Variants in PTPRN2 observed in about 807,000 individuals in gnomAD.
PTPRN2 encodes protein tyrosine phosphatase receptor type N2.
Under a neutral mutation model 118.8 loss-of-function variants are expected in PTPRN2, and 74 were observed. The observed-to-expected ratio is 0.62, with a 90% CI of 0.52 to 0.76. The LOEUF (loss-of-function observed/expected upper bound fraction) is 0.76. Among genes scored for constraint, PTPRN2 ranks in the 30% least tolerant of loss-of-function variants. The pLI, the probability that PTPRN2 is intolerant of heterozygous loss-of-function variation, is 0.00. For missense variants in PTPRN2, 1,481 were observed against 1,394.4 expected, an observed-to-expected ratio of 1.06 and a Z score of -0.99; for synonymous variants, 641 against 608.0, an observed-to-expected ratio of 1.05 and a Z score of -0.80.
intron 12 of PTPRN2, among the ~76,000 whole-genome samples, chr7:157,759,467 C>T (rs1450640465): frequency 2.0e-5 from 3 of 152,220 alleles, no homozygotes; most frequent in African/African-American, 4.8e-5. Flanking sequence ...AGGAGCCTGG[C>T]GTGTCCAGTG....
intron 11 of PTPRN2, among the ~76,000 whole-genome samples, chr7:157,922,910 T>C (rs1218543587): frequency 6.6e-6 from 1 of 152,276 alleles, no homozygotes; most frequent in Non-Finnish European, 1.5e-5. Context: ...TTACAAATGA[T>C]GCCACCAGTG....
intron 11 of PTPRN2, among the ~76,000 whole-genome samples, chr7:158,055,980 G>A (rs536507858): frequency 5.3e-5 from 8 of 152,280 alleles, no homozygotes; most frequent in South Asian, 4.1e-4. Flanking sequence ...CACTTCTAAC[G>A]GGGCCCTGTT....
At position 158,299,300 on chromosome 7, in the gene PTPRN2, AT is replaced by A. The variant is rs35390191; in HGVS notation, c.277+17518del. On this transcript the variant is annotated intron_variant, in intron 3 of 22. Transcript: ENST00000389418. ...ATGCACGCAGGGCTCTCAGGAAGCA[AT>A]TTTTTTTTTTTTTTGAGATGGAGTC... Among the ~76,000 whole-genome samples, 479 of 144,062 alleles carry A rather than the reference AT, an allele frequency of 3.3e-3. 1 individual carries two copies. The highest frequency in any genetic ancestry group is 7.5e-3 in the African/African-American group (291 of 38,826). 94.5% of individuals were successfully genotyped at this position (144,062 alleles called of 152,430 possible). A position where few individuals can be genotyped will look rare whatever the true frequency, so the allele number is the denominator to read the frequency against.
chr7:157,962,731 T>C (rs1425622152), intron 11 of PTPRN2, among the ~76,000 whole-genome samples: 6 of 152,178 alleles, frequency 3.9e-5, no homozygotes, highest in Non-Finnish European at 7.3e-5. Flanking sequence ...CACCTGTTCC[T>C]ATTACAGACA....
intron 12 of PTPRN2, 65 bp downstream of exon 12, chr7:157,898,608 G>T (rs1797265785): frequency 1.4e-6 from 2 of 1,457,994 alleles, no homozygotes. Context: ...TGTTCTCACG[G>T]TGTTCGCCAG....
intron 1 of PTPRN2, among the ~76,000 whole-genome samples, chr7:158,527,298 A>G (rs1824858864): frequency 7.0e-6 from 1 of 143,644 alleles, no homozygotes; most frequent in Admixed American, 6.9e-5. Flanking sequence ...GACCCCGGCC[A>G]TGCCCCCCGC....
At chr7:158,439,218 G>A (rs1420503320) in intron 2 of PTPRN2, among the ~76,000 whole-genome samples, 1 of 151,868 alleles carries the variant, frequency 6.6e-6, no homozygotes, top group South Asian at 2.1e-4. Flanking sequence ...CTGTGCCCCC[G>A]ACCACCTCGG....
intron 1 of PTPRN2, among the ~76,000 whole-genome samples, chr7:158,523,675 G>A (rs76713911): frequency 1.3e-4 from 18 of 141,422 alleles, no homozygotes; most frequent in East Asian, 4.6e-4. Context: ...GTCTGCCCTG[G>A]AGCGGAGTCG....
chr7:158,491,152 G>T (rs910269604), intron 1 of PTPRN2, among the ~76,000 whole-genome samples: 10 of 152,218 alleles, frequency 6.6e-5, no homozygotes, highest in African/African-American at 2.4e-4. Flanking sequence ...AAAACTAAAC[G>T]TCATTCCAGA....
chr7:158,083,236 G>C (rs180775695), intron 10 of PTPRN2, among the ~76,000 whole-genome samples: 1 of 152,234 alleles, frequency 6.6e-6, no homozygotes, highest in African/African-American at 2.4e-5. Flanking sequence ...TTCTGCCACG[G>C]CCTCACCCAC....
At chr7:157,709,649 C>A (rs1798501264) in intron 12 of PTPRN2, among the ~76,000 whole-genome samples, 1 of 152,192 alleles carries the variant, frequency 6.6e-6, no homozygotes, top group Non-Finnish European at 1.5e-5. Flanking sequence ...GGCGGTCCTG[C>A]TACATGGGAA....
rs376206867 is a variant in PTPRN2 at position 157,716,739 on chromosome 7, G to A, written c.1789-33802C>T. The stretch of plus-strand genomic sequence containing the variant: ...CACTGCCTGGCCACGTAGACTCTGC[G>A]GGAACACTGCCTGGTCACACAGACT... On this transcript the variant is annotated intron_variant, in intron 12 of 22. Coordinates refer to ENST00000389418, the MANE Select transcript of PTPRN2 (RefSeq NM_002847.5). 1.8e-4 allele frequency among the ~76,000 whole-genome samples: 8 copies of A among 44,034 alleles called. 1 individual carries two copies. The East Asian group carries it at 7.0e-3, about 39-fold the overall frequency. The allele number at this position is 44,034 out of a possible 152,430, so 28.9% of individuals were successfully genotyped here.
chr7:158,075,042 G>A (rs1422374003), intron 11 of PTPRN2, among the ~76,000 whole-genome samples: 1 of 146,880 alleles, frequency 6.8e-6, no homozygotes, highest in East Asian at 2.0e-4. Context: ...GCGTTGTGTT[G>A]TCTGCGCTCA....
intron 12 of PTPRN2, among the ~76,000 whole-genome samples, chr7:157,846,342 T>TTTCTC (rs1439157422): frequency 4.6e-5 from 7 of 151,916 alleles, no homozygotes; most frequent in Non-Finnish European, 8.8e-5. Flanking sequence ...GAACAGTCCG[T>TTTCTC]TTCTCCTTCA....
At chr7:157,923,874 G>C in intron 11 of PTPRN2, among the ~76,000 whole-genome samples, 1 of 152,156 alleles carries the variant, frequency 6.6e-6, no homozygotes, top group East Asian at 1.9e-4. Context: ...TTTGCAAAAT[G>C]GTTGCTAACA....
intron 12 of PTPRN2, among the ~76,000 whole-genome samples, chr7:157,852,675 C>T (rs1388267866): frequency 6.6e-6 from 1 of 152,034 alleles, no homozygotes; most frequent in Non-Finnish European, 1.5e-5. Context: ...CTGAGACCAT[C>T]CTGGCCAACA....
intron 12 of PTPRN2, among the ~76,000 whole-genome samples, chr7:157,770,668 C>T (rs569398476): frequency 3.1e-4 from 47 of 152,342 alleles, no homozygotes; most frequent in African/African-American, 1.0e-3. Flanking sequence ...AATCTTCCTT[C>T]GTATCCTCTA....
intron 1 of PTPRN2, among the ~76,000 whole-genome samples, chr7:158,538,685 C>A (rs1355293745): frequency 1.3e-5 from 2 of 152,148 alleles, no homozygotes; most frequent in African/African-American, 2.4e-5. Context: ...CTTTCCCATG[C>A]ACTGCACTAC....
intron 12 of PTPRN2, among the ~76,000 whole-genome samples, chr7:157,872,254 TCCAGTGTCCTCCCCACACACACATAC>T: frequency 1.7e-5 from 1 of 57,782 alleles, no homozygotes; most frequent in Middle Eastern, 0.015. Flanking sequence ...CACACACATA[TCCAGTGTCCTCCCCACACACACATAC>T]CCAGTGTCCT....
Sources: allele counts gnomAD v4.1 joint callset (sites outside exome capture counted in the v4.1 genomes callset), GRCh38; gene constraint gnomAD v4.1.1; transcripts MANE v1.5; gene names NCBI Gene and HGNC (gene_info 2026-07-23, HGNC 2026-07-21).